The following TMEM245 variants were observed in gnomAD, a reference collection of about 807,000 sequenced individuals.
TMEM245 encodes transmembrane protein 245.
Under a neutral mutation model 101.2 loss-of-function variants are expected in TMEM245, and 69 were observed. The ratio of observed to expected loss-of-function variants is 0.68; its 90% CI spans 0.56 to 0.83. TMEM245 has a LOEUF of 0.83. Ranked by LOEUF, TMEM245 falls within the 40% of genes least tolerant of loss-of-function variation. The pLI, the probability that TMEM245 is intolerant of heterozygous loss-of-function variation, is 0.00. For synonymous variants in TMEM245, 537 were observed against 449.8 expected, an observed-to-expected ratio of 1.19 and a Z score of -2.45; for missense variants, 1,075 against 1,092.8, an observed-to-expected ratio of 0.98 and a Z score of 0.23.
chr9:109,094,332 G>A (rs544746577), intron 3 of TMEM245, among the ~76,000 whole-genome samples: 1 of 152,274 alleles, frequency 6.6e-6, no homozygotes, highest in East Asian at 1.9e-4. Context: ...AGACTGGAGA[G>A]CTAAAAAAAT....
intron 7 of TMEM245, among the ~76,000 whole-genome samples, chr9:109,083,903 A>G (rs1829746402): frequency 1.1e-5 from 1 of 87,948 alleles, no homozygotes; most frequent in African/African-American, 4.4e-5. Flanking sequence ...TAAAAATACA[A>G]AAAAAAAAAA....
At chr9:109,024,276 C>A (rs560868039) in intron 17 of TMEM245, among the ~76,000 whole-genome samples, 4 of 152,212 alleles carry the variant, frequency 2.6e-5, no homozygotes, top group African/African-American at 9.6e-5. Flanking sequence ...ATTATACATA[C>A]CCCCTCCCTT....
chr9:109,111,050 A>C (rs1830553857), intron 1 of TMEM245, among the ~76,000 whole-genome samples: 1 of 111,498 alleles, frequency 9.0e-6, no homozygotes, highest in Non-Finnish European at 2.0e-5. Flanking sequence ...ACAACATGAT[A>C]ATATAAATGT....
chr9:109,032,135 A>T (rs1827961376), intron 17 of TMEM245, among the ~76,000 whole-genome samples: 1 of 152,110 alleles, frequency 6.6e-6, no homozygotes. Flanking sequence ...TCTTTAAAGG[A>T]CATTCTTCTA....
chr9:109,113,532 T>G (rs1830629638), intron 1 of TMEM245, among the ~76,000 whole-genome samples: 1 of 152,048 alleles, frequency 6.6e-6, no homozygotes, highest in African/African-American at 2.4e-5. Context: ...TACATAAGAC[T>G]GCATAAAATT....
At chr9:109,056,440 C>CAAA (rs753175633) in intron 12 of TMEM245, among the ~76,000 whole-genome samples, 1,417 of 36,738 alleles carry the variant, frequency 0.039, 172 homozygotes, top group African/African-American at 0.12. Context: ...ACTAAAAATG[C>CAAA]AAAAAAAAAA....
rs561088818 is a variant in TMEM245, at chr9:109,077,214, G to A, written c.1449+3625C>T. On this transcript the variant is annotated intron_variant, in intron 8 of 17. Coordinates refer to ENST00000374586, the MANE Select transcript of TMEM245 (RefSeq NM_032012.4). ...CACCCAGGCTGACATGCAGTGGCAC[G>A]ATCACAGCTCACTGCAGCCTCAATC... Among the ~76,000 whole-genome samples the A allele has an allele frequency of 8.6e-4, 131 of 151,540 alleles. 8 individuals are homozygous for A. The highest frequency in any genetic ancestry group is 2.0e-4 in the East Asian group (1 of 5,088).
intron 17 of TMEM245, among the ~76,000 whole-genome samples, chr9:109,021,390 T>C (rs936669821): frequency 6.6e-6 from 1 of 152,234 alleles, no homozygotes; most frequent in African/African-American, 2.4e-5. Flanking sequence ...GATACAGATA[T>C]AAAGCACAGT....
chr9:109,115,541 T>G (rs1205498280), intron 1 of TMEM245, among the ~76,000 whole-genome samples: 1 of 142,374 alleles, frequency 7.0e-6, no homozygotes, highest in Non-Finnish European at 1.5e-5. Flanking sequence ...TTTTTTTTTT[T>G]TTTTTTTAAG....
chr9:109,106,723 A>C (rs933777238), intron 2 of TMEM245, 114 bp from the exon 3 acceptor site: 2 of 644,904 alleles, frequency 3.1e-6, no homozygotes, highest in Admixed American at 6.6e-5. Context: ...TAGTTACAGA[A>C]TTACTTATCA....
chr9:109,089,445 T>C (rs1186141136), intron 5 of TMEM245, among the ~76,000 whole-genome samples: 1 of 152,176 alleles, frequency 6.6e-6, no homozygotes, highest in African/African-American at 2.4e-5. Flanking sequence ...ACTTTTAGAC[T>C]ACAGTGGAGA....
intron 9 of TMEM245, 68 bp from the exon 10 acceptor site, chr9:109,064,635 A>C: frequency 7.7e-7 from 1 of 1,301,144 alleles, no homozygotes; most frequent in Non-Finnish European, 1.1e-6. Context: ...AATGCTTTGA[A>C]CTTGATATGC....
chr9:109,028,218 G>A (rs1564167966), intron 17 of TMEM245, among the ~76,000 whole-genome samples: 1 of 151,808 alleles, frequency 6.6e-6, no homozygotes, highest in Non-Finnish European at 1.5e-5. Context: ...GGGAGGCTGA[G>A]GAGGGCAGAT....
intron 9 of TMEM245, among the ~76,000 whole-genome samples, chr9:109,068,369 C>CA (rs34301291): frequency 1.4e-3 from 144 of 102,920 alleles, no homozygotes; most frequent in Non-Finnish European, 1.9e-3. Context: ...GACACCATCT[C>CA]AAAAAAAAAA....
intron 10 of TMEM245, among the ~76,000 whole-genome samples, chr9:109,063,353 C>G (rs564463402): frequency 2.6e-4 from 40 of 152,278 alleles, no homozygotes; most frequent in Middle Eastern, 6.8e-3. Context: ...CTCTTGACCC[C>G]ATGATCCGCC....
intron 9 of TMEM245, among the ~76,000 whole-genome samples, chr9:109,065,810 G>T (rs766442529): frequency 7.2e-5 from 11 of 152,072 alleles, no homozygotes; most frequent in Non-Finnish European, 1.2e-4. Context: ...GCAAGCAGAA[G>T]CTAGTCATTT....
chr9:109,063,277 G>A (rs779289824), intron 10 of TMEM245, among the ~76,000 whole-genome samples: 5 of 151,966 alleles, frequency 3.3e-5, no homozygotes, highest in East Asian at 2.0e-4. Flanking sequence ...GCGCAACCAC[G>A]CCTGGCTAAC....
chr9:109,104,773 C>A (rs770188076), intron 3 of TMEM245, among the ~76,000 whole-genome samples: 1 of 152,090 alleles, frequency 6.6e-6, no homozygotes, highest in Non-Finnish European at 1.5e-5. Flanking sequence ...GGTGCCAAGG[C>A]CATCTTCAAC....
At chr9:109,051,591 G>C (rs1227008305) in intron 12 of TMEM245, among the ~76,000 whole-genome samples, 1 of 152,014 alleles carries the variant, frequency 6.6e-6, no homozygotes. Flanking sequence ...CACAATATAG[G>C]TATCTGTATA....
Sources: allele counts gnomAD v4.1 joint callset (sites outside exome capture counted in the v4.1 genomes callset), GRCh38; gene constraint gnomAD v4.1.1; transcripts MANE v1.5; gene names NCBI Gene and HGNC (gene_info 2026-07-23, HGNC 2026-07-21).